Variants in FUT8 observed in about 807,000 individuals in gnomAD.
FUT8 encodes fucosyltransferase 8.
In FUT8, 29 loss-of-function variants were observed where a neutral mutation model predicts 71.3. That is an observed-to-expected ratio of 0.41 (90% CI 0.30 to 0.55). FUT8 has a LOEUF of 0.55. Ranked by LOEUF, FUT8 falls within the 20% of genes least tolerant of loss-of-function variation. The pLI is 0.34. For missense variants in FUT8, 544 were observed against 702.1 expected (o/e 0.77, Z 2.55); for synonymous variants, 254 against 239.3 (o/e 1.06, Z -0.57).
chr14:65,451,240 G>C (rs955048544), intron 1 of FUT8, among the ~76,000 whole-genome samples: 1 of 152,250 alleles, frequency 6.6e-6, no homozygotes, highest in Admixed American at 6.5e-5. Flanking sequence ...ACTGAAACCA[G>C]CCGGCTGCTT....
intron 2 of FUT8, among the ~76,000 whole-genome samples, chr14:65,526,409 T>G (rs1039848439): frequency 6.6e-6 from 1 of 152,218 alleles, no homozygotes; most frequent in African/African-American, 2.4e-5. Context: ...GTTTTCCATT[T>G]GCTTGGTAGA....
intron 2 of FUT8, among the ~76,000 whole-genome samples, chr14:65,503,134 A>G (rs928171206): frequency 2.6e-5 from 4 of 152,244 alleles, no homozygotes; most frequent in African/African-American, 7.2e-5. Flanking sequence ...GATCAGAGAA[A>G]TATATGCTTC....
chr14:65,737,773 T>G (rs924132434), intron 10 of FUT8, among the ~76,000 whole-genome samples: 3 of 152,060 alleles, frequency 2.0e-5, no homozygotes, highest in African/African-American at 7.2e-5. Context: ...ACAAAATCCT[T>G]TTTTTCCCCC....
chr14:65,416,059 A>G (rs568325666), intron 1 of FUT8, among the ~76,000 whole-genome samples: 2 of 152,316 alleles, frequency 1.3e-5, no homozygotes, highest in Admixed American at 6.5e-5. Flanking sequence ...TAGAATCTCA[A>G]TGCTGATAAA....
intron 3 of FUT8, among the ~76,000 whole-genome samples, chr14:65,570,798 C>A (rs922381267): frequency 1.3e-5 from 2 of 152,082 alleles, no homozygotes; most frequent in African/African-American, 4.8e-5. Flanking sequence ...TATTTGAGTC[C>A]TAGTGGACGA....
At chr14:65,634,952 C>T (rs1257207280) in intron 6 of FUT8, among the ~76,000 whole-genome samples, 1 of 152,136 alleles carries the variant, frequency 6.6e-6, no homozygotes. Flanking sequence ...GTTGATTCTG[C>T]CCATCCATGA....
chr14:65,588,087 ATTATT>A (rs1887488027), intron 3 of FUT8, among the ~76,000 whole-genome samples: 1 of 152,144 alleles, frequency 6.6e-6, no homozygotes, highest in African/African-American at 2.4e-5. Flanking sequence ...TAAAACAAAC[ATTATT>A]TTAGAGTTTA....
intron 2 of FUT8, among the ~76,000 whole-genome samples, chr14:65,528,673 A>G (rs8018695): frequency 0.065 from 9,898 of 152,188 alleles, 368 homozygotes; most frequent in Admixed American, 0.11. Flanking sequence ...AGCTGCTCCT[A>G]TTTGGCCATC....
chr14:65,702,215 C>A (rs1246135057), intron 7 of FUT8, among the ~76,000 whole-genome samples: 1 of 152,018 alleles, frequency 6.6e-6, no homozygotes, highest in African/African-American at 2.4e-5. Context: ...CATGGTGGCA[C>A]ACGCCTGTAA....
At chr14:65,601,799 C>T (rs762123173) in intron 3 of FUT8, among the ~76,000 whole-genome samples, 20 of 152,000 alleles carry the variant, frequency 1.3e-4, no homozygotes, top group Non-Finnish European at 2.4e-4. Flanking sequence ...ATTTTATTAA[C>T]GCGTTTCTGC....
intron 6 of FUT8, among the ~76,000 whole-genome samples, chr14:65,656,638 A>G (rs934161723): frequency 6.6e-6 from 1 of 152,166 alleles, no homozygotes; most frequent in Non-Finnish European, 1.5e-5. Context: ...AAGAATCTAA[A>G]ACTTACATGG....
At chr14:65,442,182 T>C (rs1287019061) in intron 1 of FUT8, among the ~76,000 whole-genome samples, 2 of 151,040 alleles carry the variant, frequency 1.3e-5, no homozygotes, top group Non-Finnish European at 1.5e-5. Context: ...GGGTGGACTT[T>C]TTTTTTTTTT....
intron 1 of FUT8, among the ~76,000 whole-genome samples, chr14:65,418,114 G>A (rs1248701776): frequency 2.0e-5 from 3 of 152,158 alleles, no homozygotes; most frequent in Admixed American, 2.0e-4. Context: ...CATGAAGACG[G>A]TTAGAATTAG....
chr14:65,400,450 TTTCCCTGTTAA>T, the FUT8 span, among the ~76,000 whole-genome samples: 1 of 152,248 alleles, frequency 6.6e-6, no homozygotes, highest in Non-Finnish European at 1.5e-5. Context: ...CTCCTCTATA[TTTCCCTGTTAA>T]TTCCCTGTTA....
chr14:65,417,432 A>G (rs75470855), intron 1 of FUT8, among the ~76,000 whole-genome samples: 4,759 of 152,232 alleles, frequency 0.031, 162 homozygotes, highest in East Asian at 0.18. Context: ...CTTAATCTCT[A>G]CAATATTCTG....
intron 2 of FUT8, among the ~76,000 whole-genome samples, chr14:65,456,912 A>G (rs1169249391): frequency 6.6e-6 from 1 of 151,698 alleles, no homozygotes; most frequent in African/African-American, 2.4e-5. Flanking sequence ...GATGCATGTT[A>G]GGTGTACATA....
chr14:65,657,968 AC>A (rs1036290816), intron 6 of FUT8, among the ~76,000 whole-genome samples: 12 of 152,220 alleles, frequency 7.9e-5, no homozygotes, highest in African/African-American at 2.6e-4. Flanking sequence ...TTAAAGAAAA[AC>A]AATGCTAGAA....
intron 3 of FUT8, among the ~76,000 whole-genome samples, chr14:65,579,119 A>C (rs977952054): frequency 1.3e-5 from 2 of 152,020 alleles, no homozygotes; most frequent in Non-Finnish European, 1.5e-5. Flanking sequence ...CTATTTTACC[A>C]TTTGTTATGT....
At chr14:65,464,873 C>T (rs949675995) in intron 2 of FUT8, among the ~76,000 whole-genome samples, 7 of 152,172 alleles carry the variant, frequency 4.6e-5, no homozygotes, top group Non-Finnish European at 8.8e-5. Flanking sequence ...GCTCACTCTG[C>T]TTCTACAGAT....
Sources: allele counts gnomAD v4.1 joint callset (sites outside exome capture counted in the v4.1 genomes callset), GRCh38; gene constraint gnomAD v4.1.1; transcripts MANE v1.5; gene names NCBI Gene and HGNC (gene_info 2026-07-23, HGNC 2026-07-21).